Variants in ZFAND3 observed in about 807,000 individuals in gnomAD.
The protein encoded by ZFAND3 is AN1-type zinc finger protein 3.
ZFAND3 carries 10 observed loss-of-function variants against 29.6 expected under a neutral mutation model. The observed-to-expected ratio is 0.34, with a 90% CI of 0.21 to 0.57. The LOEUF (loss-of-function observed/expected upper bound fraction) is 0.57, where lower values mean the gene tolerates loss of function less well. Among genes scored for constraint, ZFAND3 ranks in the 20% least tolerant of loss-of-function variants. The pLI is 0.86. For synonymous variants in ZFAND3, 128 were observed against 112.6 expected (o/e 1.14, Z -0.87); for missense variants, 230 against 304.5 (o/e 0.76, Z 1.82).
chr6:38,146,995 A>G (rs2127497928), intron 5 of ZFAND3, among the ~76,000 whole-genome samples: 1 of 152,300 alleles, frequency 6.6e-6, no homozygotes, highest in Non-Finnish European at 1.5e-5. Context: ...TATATAATGC[A>G]TGTGATCAGG....
At chr6:37,909,872 G>C (rs1765489704) in intron 1 of ZFAND3, among the ~76,000 whole-genome samples, 1 of 152,062 alleles carries the variant, frequency 6.6e-6, no homozygotes, top group Non-Finnish European at 1.5e-5. Flanking sequence ...GCTTACACCA[G>C]AACATGGGAA....
intron 2 of ZFAND3, among the ~76,000 whole-genome samples, chr6:37,950,992 A>T (rs1220758924): frequency 6.6e-6 from 1 of 152,158 alleles, no homozygotes; most frequent in East Asian, 1.9e-4. Context: ...GATTCTTCCT[A>T]TCCGTGAGCA....
At chr6:37,834,844 A>G (rs550063906) in intron 1 of ZFAND3, among the ~76,000 whole-genome samples, 40 of 89,296 alleles carry the variant, frequency 4.5e-4, no homozygotes, top group Admixed American at 1.2e-3. Flanking sequence ...GTGTGTATGC[A>G]TGTATGTTTC....
intron 1 of ZFAND3, among the ~76,000 whole-genome samples, chr6:37,896,568 T>TTCTTTC (rs1347314739): frequency 4.1e-5 from 6 of 145,744 alleles, no homozygotes; most frequent in Non-Finnish European, 7.5e-5. Context: ...CTTTCTTTCT[T>TTCTTTC]TCTCTCTTTC....
intron 2 of ZFAND3, among the ~76,000 whole-genome samples, chr6:37,991,092 G>A (rs1471758552): frequency 6.6e-6 from 1 of 152,106 alleles, no homozygotes; most frequent in African/African-American, 2.4e-5. Flanking sequence ...AGTTCTGTGG[G>A]TTTGAATATT....
intron 5 of ZFAND3, among the ~76,000 whole-genome samples, chr6:38,150,003 G>GC (rs1173805916): frequency 6.6e-6 from 1 of 152,130 alleles, no homozygotes; most frequent in African/African-American, 2.4e-5. Context: ...ATGCCATCCT[G>GC]CTGGTGCCCC....
intron 5 of ZFAND3, among the ~76,000 whole-genome samples, chr6:38,144,426 T>G (rs1328634023): frequency 6.6e-6 from 1 of 152,068 alleles, no homozygotes; most frequent in East Asian, 1.9e-4. Flanking sequence ...CTGCTGGAGC[T>G]CATGTGCATC....
At chr6:38,121,676 A>G (rs1165382435) in intron 5 of ZFAND3, among the ~76,000 whole-genome samples, 1 of 152,180 alleles carries the variant, frequency 6.6e-6, no homozygotes, top group African/African-American at 2.4e-5. Flanking sequence ...GATTCAGGCT[A>G]CGAATTCTCA....
intron 1 of ZFAND3, among the ~76,000 whole-genome samples, chr6:37,843,121 CAAAA>C: frequency 1.4e-5 from 1 of 70,362 alleles, no homozygotes; most frequent in East Asian, 4.9e-4. Context: ...AACTGTTTCA[CAAAA>C]AAAAAAAAAA....
At chr6:37,835,991 T>G (rs1013627243) in intron 1 of ZFAND3, among the ~76,000 whole-genome samples, 6 of 152,220 alleles carry the variant, frequency 3.9e-5, no homozygotes, top group African/African-American at 1.4e-4. Context: ...TTAGGGCTTA[T>G]GGACAATCTA....
At chr6:37,872,081 C>T (rs1230981817) in intron 1 of ZFAND3, among the ~76,000 whole-genome samples, 1 of 152,166 alleles carries the variant, frequency 6.6e-6, no homozygotes, top group Non-Finnish European at 1.5e-5. Context: ...TTTCCCCCTC[C>T]ACTTTCCACC....
At chr6:38,025,813 A>G (rs550215768) in intron 2 of ZFAND3, among the ~76,000 whole-genome samples, 11 of 152,336 alleles carry the variant, frequency 7.2e-5, no homozygotes, top group Non-Finnish European at 1.0e-4. Context: ...AATGTCCAAA[A>G]TAGGCAGATC....
At chr6:38,122,457 C>G (rs1179331800) in intron 5 of ZFAND3, among the ~76,000 whole-genome samples, 3 of 152,184 alleles carry the variant, frequency 2.0e-5, no homozygotes, top group African/African-American at 7.2e-5. Flanking sequence ...GGACAACCGA[C>G]TGAACTTAAT....
At chr6:38,076,781 A>G (rs1764563684) in intron 3 of ZFAND3, among the ~76,000 whole-genome samples, 2 of 152,332 alleles carry the variant, frequency 1.3e-5, no homozygotes, top group South Asian at 4.1e-4. Flanking sequence ...AAACTCAATT[A>G]TATAGACAGC....
chr6:37,966,330 C>T (rs761159597), intron 2 of ZFAND3, among the ~76,000 whole-genome samples: 1 of 152,076 alleles, frequency 6.6e-6, no homozygotes, highest in African/African-American at 2.4e-5. Flanking sequence ...CATTACAGTA[C>T]CAGATTTTAT....
At chr6:37,839,784 A>G (rs1217981466) in intron 1 of ZFAND3, among the ~76,000 whole-genome samples, 2 of 152,094 alleles carry the variant, frequency 1.3e-5, no homozygotes, top group African/African-American at 4.8e-5. Context: ...AAGTGCTGGG[A>G]TTACAGGCTT....
chr6:38,144,206 T>C (rs1336524427), intron 5 of ZFAND3, among the ~76,000 whole-genome samples: 9 of 44,274 alleles, frequency 2.0e-4, no homozygotes, highest in Admixed American at 1.3e-3. Context: ...TATATATATA[T>C]ATATAATATA....
intron 2 of ZFAND3, among the ~76,000 whole-genome samples, chr6:38,045,920 G>T (rs1763894589): frequency 6.6e-6 from 1 of 152,194 alleles, no homozygotes. Context: ...GCAGTTCAAA[G>T]ATCATTGTGT....
chr6:38,117,533 T>C (rs988775183), intron 5 of ZFAND3, among the ~76,000 whole-genome samples: 1 of 152,208 alleles, frequency 6.6e-6, no homozygotes, highest in Admixed American at 6.5e-5. Flanking sequence ...TATTTTAGGC[T>C]GATTTACAGT....
Sources: allele counts gnomAD v4.1 joint callset (sites outside exome capture counted in the v4.1 genomes callset), GRCh38; gene constraint gnomAD v4.1.1; transcripts MANE v1.5; gene names NCBI Gene and HGNC (gene_info 2026-07-23, HGNC 2026-07-21).